Variants in PCDHA4 observed in about 807,000 individuals in gnomAD.
PCDHA4 encodes protocadherin alpha-4.
Under a neutral mutation model 61.4 loss-of-function variants are expected in PCDHA4, and 49 were observed. That is an observed-to-expected ratio of 0.80 (90% CI 0.63 to 1.01). The LOEUF (loss-of-function observed/expected upper bound fraction) is 1.01. Ranked by LOEUF, PCDHA4 falls within the 50% of genes least tolerant of loss-of-function variation. The probability of loss-of-function intolerance (pLI) is 0.00; values close to 1 mark genes in which losing one functional copy is unlikely to be tolerated. For missense variants in PCDHA4, 1,254 were observed against 1,235.8 expected, an observed-to-expected ratio of 1.01 and a Z score of -0.22; for synonymous variants, 590 against 550.3, an observed-to-expected ratio of 1.07 and a Z score of -1.01.
chr5:140,888,754 C>CT lies in PCDHA4; in HGVS notation c.2385+79192dup, dbSNP rs782694187. Reference sequence around the variant, plus strand: ...TGAGCTCTAGGAATTATTCTACCCACTTTTTTTTTTAATTTTGAAGGGATA... The same window carrying CT: ...TGAGCTCTAGGAATTATTCTACCCACTTTTTTTTTTTAATTTTGAAGGGATA... On this transcript the variant is annotated intron_variant, in intron 1 of 3. Transcript: ENST00000530339. 7.0e-3 allele frequency among the ~76,000 whole-genome samples: 1,040 copies of CT among 148,666 alleles called. 3 individuals are homozygous for CT. The highest frequency in any genetic ancestry group is 0.038 in the Middle Eastern group (11 of 290).
chr5:140,809,508 C>CCAG lies in PCDHA4; in HGVS notation c.2322_2324dup (p.Ser775dup). 1 of 1,614,204 alleles carries CCAG rather than the reference C, an allele frequency of 6.2e-7. No homozygotes were observed. Among genetic ancestry groups the CCAG allele is most frequent in the Non-Finnish European group, 8.5e-7 (1 of 1,180,030 alleles). On this transcript the variant is annotated inframe_insertion, in exon 1 of 4. Coordinates refer to ENST00000530339, the MANE Select transcript of PCDHA4 (RefSeq NM_018907.4). ...AAGACCGACCTCATGGCCTTCAGCCCCAGTTTACCTGACTCTAGGGACAGA... is the reference window on the plus strand; with the variant it reads ...AAGACCGACCTCATGGCCTTCAGCCCCAGCAGTTTACCTGACTCTAGGGACAGA...
chr5:140,825,544 C>T (rs1554130274), intron 1 of PCDHA4: 1 of 151,620 alleles, frequency 6.6e-6, no homozygotes, highest in African/African-American at 2.4e-5. Context: ...CCTGCCTTAT[C>T]TTCCCAAGTA....
intron 1 of PCDHA4, chr5:140,860,225 A>ATATATATATGT (rs2046281831): frequency 6.6e-6 from 1 of 151,528 alleles, no homozygotes; most frequent in Non-Finnish European, 1.5e-5. Context: ...ATGTATATAT[A>ATATATATATGT]AGCCAGGCAT....
rs1414932633 is a variant in PCDHA4, at chr5:140,809,074, C to A, written c.1887C>A (p.Gly629=). ...RIPFRVGLYT[G]EISTTRALDE... Reference sequence around the variant, plus strand: ...CGTTCCGCGTGGGGCTGTACACTGGCGAGATCAGCACAACGCGTGCCCTGG... The same window carrying A: ...CGTTCCGCGTGGGGCTGTACACTGGAGAGATCAGCACAACGCGTGCCCTGG... The change falls in exon 1 of 4, where the codon GGC becomes GGA. Residue 629 remains glycine (G), a synonymous_variant. Transcript: ENST00000530339. 9 of 1,613,792 alleles carry A rather than the reference C, an allele frequency of 5.6e-6. No homozygotes were observed. The African/African-American group carries it at 1.2e-4, about 22-fold the overall frequency.
intron 1 of PCDHA4, chr5:140,822,963 G>A (rs2150120788): frequency 1.2e-6 from 2 of 1,614,232 alleles, no homozygotes; most frequent in South Asian, 2.2e-5. Flanking sequence ...CCTTCAAGCT[G>A]GTGTCCACCT....
chr5:140,875,952 G>A (rs782164384), intron 1 of PCDHA4: 2 of 1,614,102 alleles, frequency 1.2e-6, no homozygotes, highest in South Asian at 2.2e-5. Flanking sequence ...CTTCTGATGC[G>A]GATATCGGCG....
chr5:140,875,529 G>T (rs369713851), intron 1 of PCDHA4: 5 of 1,613,994 alleles, frequency 3.1e-6, no homozygotes, highest in Admixed American at 1.7e-5. Context: ...TCTCGCTTCT[G>T]CTCCTTGCAG....
intron 1 of PCDHA4, 167 bp from the exon 2 acceptor site, chr5:140,978,782 A>T (rs782295456): frequency 3.1e-5 from 30 of 971,664 alleles, no homozygotes; most frequent in Non-Finnish European, 3.7e-5. Context: ...TTTTCTTCTA[A>T]AGTGCTATAT....
chr5:140,849,758 C>A (rs2150448460), intron 1 of PCDHA4: 1 of 1,598,492 alleles, frequency 6.3e-7, no homozygotes, highest in Non-Finnish European at 8.6e-7. Context: ...TGTCCGCCTA[C>A]GAGCTGGTGG....
At chr5:140,843,202 C>A in intron 1 of PCDHA4, 1 of 1,596,044 alleles carries the variant, frequency 6.3e-7, no homozygotes, top group Non-Finnish European at 8.6e-7. Flanking sequence ...TGGGGCTGTA[C>A]ACGGGCGAGA....
intron 1 of PCDHA4, among the ~76,000 whole-genome samples, chr5:140,950,237 A>G (rs1192417956): frequency 6.6e-6 from 1 of 151,954 alleles, no homozygotes; most frequent in African/African-American, 2.4e-5. Flanking sequence ...AGTGCCATTA[A>G]TTTGTTCCTA....
chr5:140,852,702 A>G, intron 1 of PCDHA4: 1 of 977,718 alleles, frequency 1.0e-6, no homozygotes, highest in Non-Finnish European at 1.2e-6. Context: ...ACTTTCAAGT[A>G]TCTTTGTCTT....
In PCDHA4 at chr5:140,987,225, A is replaced by T. The variant is rs182444933; in HGVS notation, c.2533+4662A>T. On this transcript the variant is annotated intron_variant, in intron 3 of 3. Transcript: ENST00000530339. Reference sequence around the variant, plus strand: ...TGAGACTCCATCTCAAAAAAAAAAAAAATAATAAATAAAGAAAGAAAGACA... The same window carrying T: ...TGAGACTCCATCTCAAAAAAAAAAATAATAATAAATAAAGAAAGAAAGACA... 6.5e-3 allele frequency among the ~76,000 whole-genome samples: 935 copies of T among 143,134 alleles called. 9 individuals carry two copies. Among genetic ancestry groups the T allele is most frequent in the African/African-American group, 0.025 (815 of 32,962 alleles). The allele number at this position is 143,134 out of a possible 152,430, so 93.9% of individuals were successfully genotyped here. A position where few individuals can be genotyped will look rare whatever the true frequency, so the allele number is the denominator to read the frequency against.
chr5:140,903,290 G>A (rs1554190896), intron 1 of PCDHA4, among the ~76,000 whole-genome samples: 3 of 152,016 alleles, frequency 2.0e-5, no homozygotes, highest in African/African-American at 7.3e-5. Flanking sequence ...TTGTGCATTA[G>A]GAAATTTAGT....
In PCDHA4 at chr5:140,857,194, A is replaced by G. The variant is rs187713139; in HGVS notation, c.2385+47622A>G. On this transcript the variant is annotated intron_variant, in intron 1 of 3. Transcript: ENST00000530339. ...CTGACCATGATTCAGGAGCCAACGG[A>G]CAGGTCACCTGCTCTCTGACGCCTC... 4 of 1,598,542 alleles carry G rather than the reference A, an allele frequency of 2.5e-6. 1 individual carries two copies. The highest frequency in any genetic ancestry group is 1.3e-5 in the African/African-American group (1 of 74,440).
rs114871728 is a variant in PCDHA4, at chr5:140,922,694, C to T, written c.2386-56255C>T. The stretch of plus-strand genomic sequence containing the variant: ...GTAAAAAAGTGAACAGGCTCTGCTT[C>T]CATACAGTCAAGAACAAAAAGAAAC... On this transcript the variant is annotated intron_variant, in intron 1 of 3. Transcript: ENST00000530339. Among the ~76,000 whole-genome samples, 1,199 of 152,172 alleles carry T rather than the reference C, an allele frequency of 7.9e-3. 5 individuals carry two copies. The highest frequency in any genetic ancestry group is 0.018 in the African/African-American group (768 of 41,520).
At chr5:140,823,267 G>T (rs1554129226) in intron 1 of PCDHA4, 8 of 1,612,742 alleles carry the variant, frequency 5.0e-6, no homozygotes, top group South Asian at 1.1e-5. Flanking sequence ...GGAGCGGCGG[G>T]TGGGCGAGCG....
At chr5:140,914,578 A>T (rs1858296) in intron 1 of PCDHA4, among the ~76,000 whole-genome samples, 49,681 of 151,930 alleles carry the variant, frequency 0.33, 8,403 homozygotes, top group East Asian at 0.53. Flanking sequence ...ACATTCAATA[A>T]TTTCATTTAA....
chr5:140,935,828 A>G (rs1365293166), intron 1 of PCDHA4, among the ~76,000 whole-genome samples: 1 of 152,004 alleles, frequency 6.6e-6, no homozygotes, highest in Non-Finnish European at 1.5e-5. Context: ...GTATTTACAC[A>G]TATTCCATAC....
Sources: allele counts gnomAD v4.1 joint callset (sites outside exome capture counted in the v4.1 genomes callset), GRCh38; gene constraint gnomAD v4.1.1; transcripts MANE v1.5; gene names NCBI Gene and HGNC (gene_info 2026-07-23, HGNC 2026-07-21).